Variants in RAP1GDS1 observed in about 807,000 individuals in gnomAD.
RAP1GDS1 encodes the protein RAP1, GTP-GDP dissociation stimulator 1.
A neutral mutation model predicts 71.1 loss-of-function variants in RAP1GDS1; 35 were observed. That is an observed-to-expected ratio of 0.49 (90% CI 0.38 to 0.65). The LOEUF (loss-of-function observed/expected upper bound fraction) is 0.65. Among genes scored for constraint, RAP1GDS1 ranks in the 30% least tolerant of loss-of-function variants. RAP1GDS1 has a pLI of 0.00. For missense variants in RAP1GDS1, 663 were observed against 706.1 expected, an observed-to-expected ratio of 0.94 and a Z score of 0.69; for synonymous variants, 229 against 243.1, an observed-to-expected ratio of 0.94 and a Z score of 0.54.
In RAP1GDS1 at chr4:98,443,015, ATTTTTTT is replaced by A. The variant is rs397994660; in HGVS notation, c.*915_*921del. ...TGAGTATAGTTCATTGAAGAATGGA[ATTTTTTT>A]TTTTTTTTTTTTTTTTGCTGTTTTT... On this transcript the variant is annotated 3_prime_UTR_variant, in exon 15 of 15. Transcript: ENST00000408927. 27 of 138,320 alleles carry A rather than the reference ATTTTTTT, an allele frequency of 2.0e-4. No individual in the cohort carries two copies. The highest frequency in any genetic ancestry group is 8.3e-4 in the African/African-American group (21 of 25,354). 8.6% of individuals were successfully genotyped at this position (138,320 alleles called of 1,614,324 possible).
At chr4:98,386,735 T>C (rs978403173) in intron 5 of RAP1GDS1, among the ~76,000 whole-genome samples, 4 of 152,062 alleles carry the variant, frequency 2.6e-5, no homozygotes, top group African/African-American at 9.7e-5. Flanking sequence ...TCCTCAACAC[T>C]AGGCTTAGAA....
chr4:98,394,199 A>T (rs1215330283), intron 6 of RAP1GDS1, among the ~76,000 whole-genome samples: 1 of 152,102 alleles, frequency 6.6e-6, no homozygotes, highest in Non-Finnish European at 1.5e-5. Context: ...TCATCCCTTT[A>T]TGGTTTTGTG....
intron 4 of RAP1GDS1, among the ~76,000 whole-genome samples, chr4:98,368,419 TAAAAA>T (rs1465934592): frequency 1.3e-5 from 2 of 152,128 alleles, no homozygotes; most frequent in African/African-American, 4.8e-5. Flanking sequence ...TGCTTTTTAA[TAAAAA>T]GAGAAAGGAA....
At position 98,339,795 on chromosome 4, in the gene RAP1GDS1, TAAA is replaced by T. The variant is rs1259296969; in HGVS notation, c.113-3341_113-3339del. On this transcript the variant is annotated intron_variant, in intron 2 of 14. Coordinates refer to ENST00000408927, the MANE Select transcript of RAP1GDS1 (RefSeq NM_001100427.2). Reference sequence around the variant, plus strand: ...TTATACAAGCTGGAATAGCTATTATTAAAAAGTCAAAAAATAACAGGTGGTGGT... The same window carrying T: ...TTATACAAGCTGGAATAGCTATTATTAAGTCAAAAAATAACAGGTGGTGGT... 4.6e-5 allele frequency among the ~76,000 whole-genome samples: 7 copies of T among 152,330 alleles called. No individual in the cohort carries two copies. The South Asian group carries it at 8.3e-4, about 18-fold the overall frequency.
intron 1 of RAP1GDS1, among the ~76,000 whole-genome samples, chr4:98,262,598 C>T (rs1318084434): frequency 6.6e-6 from 1 of 152,180 alleles, no homozygotes; most frequent in Non-Finnish European, 1.5e-5. Context: ...CCCCAGTTTG[C>T]TTCCACTCCT....
At chr4:98,288,917 A>G (rs1411354889) in intron 1 of RAP1GDS1, among the ~76,000 whole-genome samples, 5 of 152,142 alleles carry the variant, frequency 3.3e-5, no homozygotes, top group Non-Finnish European at 7.4e-5. Flanking sequence ...TTTTCATATC[A>G]TTAGAAGTCA....
At chr4:98,356,743 A>C (rs906179293) in intron 4 of RAP1GDS1, among the ~76,000 whole-genome samples, 1 of 152,050 alleles carries the variant, frequency 6.6e-6, no homozygotes, top group Admixed American at 6.5e-5. Flanking sequence ...ATGCTATCAT[A>C]CATAAGATAA....
chr4:98,308,862 T>C (rs1447947794), intron 2 of RAP1GDS1, among the ~76,000 whole-genome samples: 3 of 152,162 alleles, frequency 2.0e-5, no homozygotes, highest in Non-Finnish European at 2.9e-5. Context: ...TTTCTTAATC[T>C]AGTAATGTAT....
chr4:98,404,683 A>G, intron 7 of RAP1GDS1, 81 bp downstream of exon 7: 1 of 1,478,562 alleles, frequency 6.8e-7, no homozygotes, highest in Non-Finnish European at 9.2e-7. Flanking sequence ...ATTGCCAGCC[A>G]TTTGACTCAA....
At chr4:98,362,522 T>A (rs149734124) in intron 4 of RAP1GDS1, among the ~76,000 whole-genome samples, 1 of 152,092 alleles carries the variant, frequency 6.6e-6, no homozygotes, top group Non-Finnish European at 1.5e-5. Flanking sequence ...ACCATTTCCC[T>A]GCTCCAGGAA....
At chr4:98,349,815 A>G (rs1357831089) in intron 3 of RAP1GDS1, among the ~76,000 whole-genome samples, 3 of 151,880 alleles carry the variant, frequency 2.0e-5, no homozygotes, top group African/African-American at 7.3e-5. Flanking sequence ...GCACATTTTA[A>G]ACAGATTCTT....
intron 12 of RAP1GDS1, among the ~76,000 whole-genome samples, chr4:98,431,824 G>A (rs1750446293): frequency 1.3e-5 from 2 of 152,188 alleles, no homozygotes; most frequent in South Asian, 2.1e-4. Context: ...CACATGTGAC[G>A]AATACGATGT....
At chr4:98,297,352 GCTTTA>G (rs1235195916) in intron 2 of RAP1GDS1, among the ~76,000 whole-genome samples, 2 of 151,988 alleles carry the variant, frequency 1.3e-5, no homozygotes. Context: ...ATTTTATTGT[GCTTTA>G]CTTTATTGAG....
chr4:98,403,097 G>C (rs773032004), intron 6 of RAP1GDS1, among the ~76,000 whole-genome samples: 3 of 151,996 alleles, frequency 2.0e-5, no homozygotes, highest in Non-Finnish European at 4.4e-5. Flanking sequence ...GCTTTCTCAC[G>C]ACACTGCTGG....
chr4:98,285,061 G>T (rs1443899025), intron 1 of RAP1GDS1, among the ~76,000 whole-genome samples: 1 of 152,112 alleles, frequency 6.6e-6, no homozygotes, highest in South Asian at 2.1e-4. Context: ...ATCTATGAGC[G>T]TAATAAAATG....
intron 12 of RAP1GDS1, among the ~76,000 whole-genome samples, chr4:98,428,577 C>T (rs1039357560): frequency 7.9e-5 from 12 of 151,886 alleles, no homozygotes; most frequent in Non-Finnish European, 1.6e-4. Context: ...ATACAAATGG[C>T]CAACTTATGA....
chr4:98,397,768 C>G (rs1466475390), intron 6 of RAP1GDS1, among the ~76,000 whole-genome samples: 2 of 152,128 alleles, frequency 1.3e-5, no homozygotes, highest in Non-Finnish European at 2.9e-5. Flanking sequence ...TGCTATGCTT[C>G]TTGTCAGGAT....
intron 1 of RAP1GDS1, among the ~76,000 whole-genome samples, chr4:98,279,479 TG>T (rs1243265915): frequency 3.3e-5 from 5 of 151,626 alleles, no homozygotes; most frequent in Admixed American, 6.6e-5. Flanking sequence ...TTTTTTCATA[TG>T]GAAAAAAACA....
chr4:98,338,407 A>G (rs1476209268), intron 2 of RAP1GDS1, among the ~76,000 whole-genome samples: 1 of 152,164 alleles, frequency 6.6e-6, no homozygotes, highest in African/African-American at 2.4e-5. Flanking sequence ...CTCTTTGGTA[A>G]TTGAAGCCTT....
Sources: allele counts gnomAD v4.1 joint callset (sites outside exome capture counted in the v4.1 genomes callset), GRCh38; gene constraint gnomAD v4.1.1; transcripts MANE v1.5; gene names NCBI Gene and HGNC (gene_info 2026-07-23, HGNC 2026-07-21).